The following CNTN4 variants were observed in gnomAD, a reference collection of about 807,000 sequenced individuals.
The protein encoded by CNTN4 is contactin-4.
A neutral mutation model predicts 122.5 loss-of-function variants in CNTN4; 77 were observed. The observed-to-expected ratio is 0.63, with a 90% CI of 0.52 to 0.76. The LOEUF is 0.76. CNTN4 is among the 30% of genes least tolerant of loss of function. The pLI, the probability that CNTN4 is intolerant of heterozygous loss-of-function variation, is 0.00. For missense variants in CNTN4, 1,256 were observed against 1,259.1 expected (o/e 1.00, Z 0.04); for synonymous variants, 512 against 447.0 (o/e 1.15, Z -1.83).
intron 3 of CNTN4, among the ~76,000 whole-genome samples, chr3:2,473,357 G>A (rs552564269): frequency 2.6e-4 from 40 of 151,644 alleles, no homozygotes; most frequent in Admixed American, 2.4e-3. Flanking sequence ...CTCACTCCTT[G>A]CCACTTTCCT....
chr3:2,583,733 A>G (rs2080051719), intron 4 of CNTN4, among the ~76,000 whole-genome samples: 1 of 152,188 alleles, frequency 6.6e-6, no homozygotes, highest in Non-Finnish European at 1.5e-5. Flanking sequence ...CTGTTCATTC[A>G]TTTAATAACA....
chr3:2,421,243 G>A (rs1391555769), intron 3 of CNTN4, among the ~76,000 whole-genome samples: 4 of 112,212 alleles, frequency 3.6e-5, no homozygotes, highest in African/African-American at 1.4e-4. Context: ...GTACCCTTCA[G>A]GGGGTTTCTT....
At chr3:2,152,736 C>A (rs922694022) in intron 2 of CNTN4, among the ~76,000 whole-genome samples, 15 of 152,286 alleles carry the variant, frequency 9.8e-5, no homozygotes, top group Admixed American at 3.9e-4. Flanking sequence ...CTGTATCTGC[C>A]TTCCTGAGTT....
chr3:2,260,957 C>T (rs1486338447), intron 2 of CNTN4, among the ~76,000 whole-genome samples: 3 of 152,104 alleles, frequency 2.0e-5, no homozygotes, highest in African/African-American at 7.2e-5. Flanking sequence ...TCTCAAAGTC[C>T]TTGCCTCAAG....
chr3:2,547,947 A>T (rs544877476), intron 3 of CNTN4, among the ~76,000 whole-genome samples: 119 of 152,196 alleles, frequency 7.8e-4, no homozygotes, highest in African/African-American at 2.8e-3. Flanking sequence ...CTGTGAACAG[A>T]CTAGGTGTAT....
rs533019562 is a variant in CNTN4, at chr3:3,011,895, G to T, written c.1487-14207G>T. 1.4e-4 allele frequency among the ~76,000 whole-genome samples: 21 copies of T among 150,320 alleles called. No individual in the cohort carries two copies. In the South Asian group the frequency reaches 4.2e-3, roughly 30 times the overall value. ...AGACTTCCATGATGATGATGGTGAT[G>T]ATGACAGTGATGATGAGGATGAGGA... On this transcript the variant is annotated intron_variant, in intron 14 of 24. Transcript: ENST00000418658.
chr3:2,267,955 G>C (rs1326242471), intron 2 of CNTN4, among the ~76,000 whole-genome samples: 1 of 152,106 alleles, frequency 6.6e-6, no homozygotes, highest in African/African-American at 2.4e-5. Context: ...TGGAGGTAAT[G>C]AGAAGTGATC....
chr3:2,825,335 C>T (rs954441343), intron 7 of CNTN4, among the ~76,000 whole-genome samples: 48 of 152,118 alleles, frequency 3.2e-4, no homozygotes, highest in African/African-American at 1.1e-3. Flanking sequence ...AACATTCTCC[C>T]ACCTCAGCCT....
chr3:2,935,838 A>T, intron 13 of CNTN4, among the ~76,000 whole-genome samples: 1 of 152,212 alleles, frequency 6.6e-6, no homozygotes, highest in Non-Finnish European at 1.5e-5. Flanking sequence ...CTATACCTAG[A>T]GTAGAATAGA....
chr3:2,597,836 T>G (rs1462624070), intron 4 of CNTN4, among the ~76,000 whole-genome samples: 1 of 152,172 alleles, frequency 6.6e-6, no homozygotes, highest in Non-Finnish European at 1.5e-5. Context: ...CATCTAATCA[T>G]GTGACTAGAA....
intron 2 of CNTN4, among the ~76,000 whole-genome samples, chr3:2,169,275 A>G (rs1283076219): frequency 2.0e-5 from 3 of 152,194 alleles, no homozygotes; most frequent in Non-Finnish European, 2.9e-5. Flanking sequence ...ATTCAGAGGT[A>G]TATTAATATA....
At chr3:2,977,522 A>G (rs970613906) in intron 13 of CNTN4, among the ~76,000 whole-genome samples, 16 of 151,976 alleles carry the variant, frequency 1.1e-4, no homozygotes, top group African/African-American at 3.9e-4. Context: ...TATATCACCG[A>G]GAGAGCAATA....
chr3:2,993,296 G>T (rs1695214836), intron 14 of CNTN4, among the ~76,000 whole-genome samples: 1 of 145,792 alleles, frequency 6.9e-6, no homozygotes, highest in Non-Finnish European at 1.5e-5. Flanking sequence ...CAGAGACTGT[G>T]TAATTTTTTT....
chr3:2,142,792 G>T (rs576847450), intron 2 of CNTN4, among the ~76,000 whole-genome samples: 51 of 152,230 alleles, frequency 3.4e-4, no homozygotes, highest in South Asian at 6.2e-4. Flanking sequence ...GAAGGAGAAG[G>T]ACTTCATAGA....
At chr3:2,826,203 G>A (rs1265369663) in intron 7 of CNTN4, among the ~76,000 whole-genome samples, 1 of 152,160 alleles carries the variant, frequency 6.6e-6, no homozygotes, top group Admixed American at 6.5e-5. Flanking sequence ...TGTGTCAGTG[G>A]TTCTTTGGCG....
chr3:2,497,512 A>G (rs1402961401), intron 3 of CNTN4, among the ~76,000 whole-genome samples: 2 of 152,156 alleles, frequency 1.3e-5, no homozygotes, highest in Admixed American at 1.3e-4. Context: ...ATGAGTGGCA[A>G]CCTAGGGAGA....
At chr3:2,844,598 T>C (rs1394648955) in intron 7 of CNTN4, among the ~76,000 whole-genome samples, 1 of 152,212 alleles carries the variant, frequency 6.6e-6, no homozygotes, top group African/African-American at 2.4e-5. Context: ...TCTTTCCCCT[T>C]ATCTATCTGT....
chr3:2,108,100 C>T (rs1034197000), intron 2 of CNTN4, among the ~76,000 whole-genome samples: 16 of 152,080 alleles, frequency 1.1e-4, no homozygotes, highest in Non-Finnish European at 2.1e-4. Context: ...TCCTATCCTC[C>T]CCCAGGCTTG....
chr3:2,483,649 T>C (rs917022230), intron 3 of CNTN4, among the ~76,000 whole-genome samples: 1 of 152,158 alleles, frequency 6.6e-6, no homozygotes, highest in Non-Finnish European at 1.5e-5. Context: ...GTTCTCATGA[T>C]AGTGAGTGAG....
Sources: allele counts gnomAD v4.1 joint callset (sites outside exome capture counted in the v4.1 genomes callset), GRCh38; gene constraint gnomAD v4.1.1; transcripts MANE v1.5; gene names NCBI Gene and HGNC (gene_info 2026-07-23, HGNC 2026-07-21).